Variants in TSPEAR observed in about 807,000 individuals in gnomAD.
The protein encoded by TSPEAR is thrombospondin-type laminin G domain and EAR repeat-containing protein.
TSPEAR carries 69 observed loss-of-function variants against 71.6 expected under a neutral mutation model. The ratio of observed to expected loss-of-function variants is 0.96; its 90% confidence interval spans 0.79 to 1.18. TSPEAR has a LOEUF of 1.18. Ranked by LOEUF, TSPEAR falls within the 50% of genes most tolerant of loss-of-function variation. The pLI is 0.00. For synonymous variants in TSPEAR, 402 were observed against 387.2 expected (o/e 1.04, Z -0.45); for missense variants, 971 against 894.9 (o/e 1.09, Z -1.09).
At chr21:44,660,191 G>A (rs897939284) in intron 1 of TSPEAR, among the ~76,000 whole-genome samples, 10 of 152,118 alleles carry the variant, frequency 6.6e-5, no homozygotes, top group Non-Finnish European at 1.3e-4. Context: ...AGAGAGGGCA[G>A]GGCAGAAGAA....
chr21:44,708,254 G>A (rs1375047301), intron 1 of TSPEAR, among the ~76,000 whole-genome samples: 2 of 152,062 alleles, frequency 1.3e-5, no homozygotes, highest in African/African-American at 2.4e-5. Context: ...ACAGAGGACT[G>A]GGCTGCGGGG....
At chr21:44,615,072 G>A (rs147625502) in intron 1 of TSPEAR, among the ~76,000 whole-genome samples, 200 of 152,362 alleles carry the variant, frequency 1.3e-3, no homozygotes, top group African/African-American at 4.6e-3. Flanking sequence ...TGGCACCACT[G>A]CTTTGGGAAG....
At chr21:44,544,918 C>G (rs2053276977) in intron 2 of TSPEAR, among the ~76,000 whole-genome samples, 1 of 151,836 alleles carries the variant, frequency 6.6e-6, no homozygotes, top group South Asian at 2.1e-4. Context: ...TATCTAATAT[C>G]AGATCACCAA....
chr21:44,694,735 G>C (rs183703077), intron 1 of TSPEAR, among the ~76,000 whole-genome samples: 2 of 152,284 alleles, frequency 1.3e-5, no homozygotes, highest in Admixed American at 1.3e-4. Flanking sequence ...CAATTATTGA[G>C]TGCCTATCAT....
chr21:44,629,210 T>C lies in TSPEAR; in HGVS notation c.83-61205A>G, dbSNP rs587736217. Among the ~76,000 whole-genome samples the C allele has an allele frequency of 5.9e-5, 9 of 152,290 alleles. No homozygotes were observed. The East Asian group carries it at 1.5e-3, about 26-fold the overall frequency. On this transcript the variant is annotated intron_variant, in intron 1 of 11. Coordinates refer to ENST00000323084, the MANE Select transcript of TSPEAR (RefSeq NM_144991.3). ...TAGTCGGGTTTGGGGGCCTCGGCCA[T>C]ACCCTGTGGGCACAAAGGACCCCCA... is the stretch of plus-strand genomic sequence containing the variant.
intron 1 of TSPEAR, among the ~76,000 whole-genome samples, chr21:44,589,618 G>A (rs185187505): frequency 2.2e-4 from 33 of 152,304 alleles, no homozygotes; most frequent in East Asian, 2.1e-3. Context: ...AAGACACATC[G>A]AATGAGGACC....
At chr21:44,620,342 C>T (rs1285581682) in intron 1 of TSPEAR, among the ~76,000 whole-genome samples, 1 of 152,118 alleles carries the variant, frequency 6.6e-6, no homozygotes, top group Non-Finnish European at 1.5e-5. Context: ...CAAAGGCAGT[C>T]GATAGTAAGC....
intron 1 of TSPEAR, chr21:44,647,659 G>A: frequency 2.3e-6 from 1 of 431,250 alleles, no homozygotes. Flanking sequence ...AATACGGGCT[G>A]GTGTGCACTT....
At chr21:44,579,814 G>A (rs782500166) in intron 1 of TSPEAR, 2 of 1,610,042 alleles carry the variant, frequency 1.2e-6, no homozygotes, top group Non-Finnish European at 1.7e-6. Flanking sequence ...ACACGCAGGA[G>A]GCCGGGCGGC....
intron 1 of TSPEAR, chr21:44,676,635 T>G: frequency 1.3e-6 from 1 of 763,950 alleles, no homozygotes; most frequent in Non-Finnish European, 2.4e-6. Context: ...TCAATTCCTG[T>G]TCTTGAACCC....
At chr21:44,524,820 GTAGT>G (rs1358015820) in intron 8 of TSPEAR, among the ~76,000 whole-genome samples, 7 of 151,502 alleles carry the variant, frequency 4.6e-5, no homozygotes, top group South Asian at 2.1e-4. Flanking sequence ...AGACAGTCAG[GTAGT>G]TAGTCAATCA....
Position 44,527,390 on chromosome 21 carries a change from A to G in TSPEAR, c.1051T>C (p.Ser351Pro), listed in dbSNP as rs782270634. Residue 351 changes from serine (S) to proline (P), a missense_variant, in exon 7 of 12, where the codon TCC becomes CCC. Transcript: ENST00000323084. The part of the protein sequence containing the change: ...FVATANRKAT[S>P]AVYKWTEEKF... ...TCTTCGGTCCACTTGTAGACGGCGG[A>G]TGTGGCTTTGCGATTGGCTGTGGCC... The G allele has an allele frequency of 9.9e-6, 16 of 1,614,218 alleles. No homozygotes were observed. Among genetic ancestry groups the G allele is most frequent in the South Asian group, 9.9e-5 (9 of 91,086 alleles).
intron 1 of TSPEAR, among the ~76,000 whole-genome samples, chr21:44,652,934 A>C (rs988365975): frequency 6.6e-6 from 1 of 152,246 alleles, no homozygotes; most frequent in African/African-American, 2.4e-5. Flanking sequence ...AGGCGGGTGG[A>C]TCACAAGGTC....
chr21:44,669,566 C>T (rs1555945504), intron 1 of TSPEAR, among the ~76,000 whole-genome samples: 1 of 152,214 alleles, frequency 6.6e-6, no homozygotes, highest in African/African-American at 2.4e-5. Context: ...GAGAGGCTAG[C>T]TGTGTGCCTG....
At chr21:44,689,852 G>A (rs1987053560) in intron 1 of TSPEAR, among the ~76,000 whole-genome samples, 1 of 150,646 alleles carries the variant, frequency 6.6e-6, no homozygotes, top group Middle Eastern at 3.2e-3. Flanking sequence ...TGAAGAACTT[G>A]GAGTCCAGTG....
At chr21:44,677,640 C>T in intron 1 of TSPEAR, 2 of 1,206,410 alleles carry the variant, frequency 1.7e-6, no homozygotes, top group South Asian at 2.5e-5. Context: ...ATGCTGAACC[C>T]CAGGGACCAA....
At chr21:44,671,259 A>G (rs1027463703) in intron 1 of TSPEAR, among the ~76,000 whole-genome samples, 17 of 152,358 alleles carry the variant, frequency 1.1e-4, no homozygotes, top group African/African-American at 4.1e-4. Flanking sequence ...CTGAGAGCCC[A>G]AAGGCTGTCC....
In TSPEAR at chr21:44,567,999, C is replaced by A; in HGVS notation, c.89G>T (p.Arg30Leu). ...TQGWEPCTDLRPLDILAEVVP... is the reference protein window; with the variant it reads ...TQGWEPCTDLLPLDILAEVVP... ...CACTTCCGCCAGGATGTCCAGGGGG[C>A]GCAGGTCTGTGGCAAAGAAATCACA... Residue 30 changes from arginine (R) to leucine (L), a missense_variant, in exon 2 of 12, where the codon CGC becomes CTC. Coordinates refer to ENST00000323084, the MANE Select transcript of TSPEAR (RefSeq NM_144991.3). 1 of 1,524,640 alleles carries A rather than the reference C, an allele frequency of 6.6e-7. No homozygotes were observed. The highest frequency in any genetic ancestry group is 8.8e-7 in the Non-Finnish European group (1 of 1,130,886). The allele number at this position is 1,524,640 out of a possible 1,614,324, so 94.4% of individuals were successfully genotyped here.
chr21:44,634,013 G>A (rs1983402192), intron 1 of TSPEAR, among the ~76,000 whole-genome samples: 1 of 152,184 alleles, frequency 6.6e-6, no homozygotes, highest in South Asian at 2.1e-4. Context: ...AGGAGGTTGA[G>A]ATGAGAGGAT....
Sources: gnomAD v4.1 joint callset for allele counts (sites outside exome capture counted in the v4.1 genomes callset) on GRCh38, gnomAD v4.1.1 for gene constraint, MANE v1.5 for transcripts, NCBI Gene and HGNC (gene_info 2026-07-23, HGNC 2026-07-21) for gene names.